ZNF836: variants seen among roughly 807,000 people sequenced by gnomAD.
ZNF836 encodes zinc finger protein 836.
Under a neutral mutation model 7.4 loss-of-function variants are expected in ZNF836, and 12 were observed. The observed-to-expected ratio is 1.61, with a 90% CI of 1.03 to 2.61. The LOEUF (loss-of-function observed/expected upper bound fraction) is 2.61, where lower values mean the gene tolerates loss of function less well. Among genes scored for constraint, ZNF836 ranks in the 30% most tolerant of loss-of-function variants. The probability of loss-of-function intolerance (pLI) is 0.00; values close to 1 mark genes in which losing one functional copy is unlikely to be tolerated. For synonymous variants in ZNF836, 365 were observed against 382.6 expected (o/e 0.95, Z 0.54); for missense variants, 998 against 1,126.2 (o/e 0.89, Z 1.63).
intron 3 of ZNF836, among the ~76,000 whole-genome samples, chr19:52,162,616 C>T (rs1016076776): frequency 3.3e-5 from 5 of 152,146 alleles, no homozygotes; most frequent in African/African-American, 1.2e-4. Context: ...TGGACAAGGG[C>T]CCTGAGCTTT....
chr19:52,157,573 G>C, intron 4 of ZNF836, 33 bp from the exon 5 acceptor site: 1 of 1,439,116 alleles, frequency 6.9e-7, no homozygotes, highest in Non-Finnish European at 9.1e-7. Context: ...GAGTTTTTTC[G>C]TTGGTTTTTT....
At chr19:52,160,770 T>C in intron 3 of ZNF836, 179 bp from the exon 4 acceptor site, 2 of 662,734 alleles carry the variant, frequency 3.0e-6, no homozygotes, top group Admixed American at 3.5e-5. Context: ...CAATAGAAGA[T>C]TATGATATCC....
chr19:52,165,551 T>G (rs564963576), intron 3 of ZNF836, among the ~76,000 whole-genome samples: 1 of 152,338 alleles, frequency 6.6e-6, no homozygotes, highest in South Asian at 2.1e-4. Flanking sequence ...TCTCACTGAC[T>G]CTTGCCACAG....
Position 52,157,394 on chromosome 19 carries a change from C to A in ZNF836, c.289G>T (p.Asp97Tyr). ...CCATCTTTCCATTGAAACTCAAGGT[C>A]CTGTAGATTTTTCTGGATTTCCCTT... ...YLREIQKNLQ[D>Y]LEFQWKDGEI... is the part of the protein sequence containing the mutation. Residue 97 changes from aspartate to tyrosine, a missense_variant, in exon 5 of 5, where the codon GAC becomes TAC. Asp to Tyr is a radical substitution (Grantham distance 160). Coordinates refer to ENST00000682614, the MANE Select transcript of ZNF836 (RefSeq NM_001102657.3). 6.2e-7 allele frequency: 1 copy of A among 1,609,636 alleles called. No homozygotes were observed.
intron 4 of ZNF836, among the ~76,000 whole-genome samples, 161 bp from the exon 5 acceptor site, chr19:52,157,701 G>A (rs1007438855): frequency 6.6e-6 from 1 of 151,804 alleles, no homozygotes; most frequent in Non-Finnish European, 1.5e-5. Context: ...CTCCTGAGTA[G>A]CTGGGACTAC....
rs759237438 is a variant in ZNF836 at position 52,155,736 on chromosome 19, G to A, written c.1947C>T (p.Tyr649=). The change falls in exon 5 of 5, where the codon TAC becomes TAT. Residue 649 remains tyrosine, a synonymous_variant. Coordinates refer to ENST00000682614, the MANE Select transcript of ZNF836 (RefSeq NM_001102657.3). ...TCCGATGACGTGCTAGGCATGAGTA[G>A]TAACTGAAAACCTTGCCGCATTCGT... ...QCNECGKVFS[Y]YSCLARHRKI... 6 of 1,614,006 alleles carry A rather than the reference G, an allele frequency of 3.7e-6. No homozygotes were observed. In the African/African-American group the frequency reaches 6.7e-5, roughly 18 times the overall value.
Position 52,168,155 on chromosome 19 carries a change from G to T in ZNF836, c.-80-3C>A. The stretch of plus-strand genomic sequence containing the variant: ...AATTAATTCTTTACAAGTCAAATCT[G>T]AAAGTGAAAAATCTGTTGTTTAATG... On this transcript the variant is annotated splice_polypyrimidine_tract_variant and splice_region_variant and intron_variant, in intron 2 of 4. Transcript: ENST00000682614. The T allele has an allele frequency of 1.3e-6, 2 of 1,552,866 alleles. No individual in the cohort carries two copies. The highest frequency in any genetic ancestry group is 1.7e-6 in the Non-Finnish European group (2 of 1,151,588).
chr19:52,167,201 G>A (rs117853834), intron 3 of ZNF836, among the ~76,000 whole-genome samples: 3,364 of 151,960 alleles, frequency 0.022, 62 homozygotes, highest in Non-Finnish European at 0.035. Context: ...GCCAGGCACG[G>A]TGGGTCACAC....
intron 4 of ZNF836, among the ~76,000 whole-genome samples, chr19:52,157,897 T>G (rs2089180868): frequency 6.6e-6 from 1 of 151,984 alleles, no homozygotes; most frequent in African/African-American, 2.4e-5. Flanking sequence ...TAACTAGTAT[T>G]ATTTGTTTTT....
In ZNF836 at chr19:52,171,521, G is replaced by C. The variant is rs971903939; in HGVS notation, c.-400C>G. The C allele has an allele frequency of 2.6e-5, 4 of 152,264 alleles. No homozygotes were observed. Among genetic ancestry groups the C allele is most frequent in the African/African-American group, 9.7e-5 (4 of 41,450 alleles). The allele number at this position is 152,264 out of a possible 1,614,324, so 9.4% of individuals were successfully genotyped here. A position where few individuals can be genotyped will look rare whatever the true frequency, so the allele number is the denominator to read the frequency against. ...TCTTTTCCCCGCGCGATCTGCTTCC[G>C]GGTGTGCAGGAAGCTACACGCCCTG... is the stretch of plus-strand genomic sequence containing the variant. On this transcript the variant is annotated 5_prime_UTR_variant, in exon 1 of 5. Coordinates refer to ENST00000682614, the MANE Select transcript of ZNF836 (RefSeq NM_001102657.3).
rs1323162820 is a variant in ZNF836, at chr19:52,155,102, G to T, written c.2581C>A (p.Pro861Thr). 9 of 1,614,060 alleles carry T rather than the reference G, an allele frequency of 5.6e-6. No homozygotes were observed. The highest frequency in any genetic ancestry group is 7.6e-6 in the Non-Finnish European group (9 of 1,180,020). ...TTGCCACATTCAATACATTTGTATG[G>T]CTTCTCTCCAGTGTGATTTCTTTGA... Reference protein sequence around the residue: ...YHQRNHTGEKPYKCIECGKAF... With the variant: ...YHQRNHTGEKTYKCIECGKAF... Residue 861 changes from proline to threonine, a missense_variant, in exon 5 of 5, where the codon CCA becomes ACA. Physicochemically the swap from Pro to Thr is conservative, Grantham distance 38 (BLOSUM62 -1). Coordinates refer to ENST00000682614, the MANE Select transcript of ZNF836 (RefSeq NM_001102657.3).
intron 3 of ZNF836, among the ~76,000 whole-genome samples, chr19:52,166,830 C>T (rs953854290): frequency 2.6e-5 from 4 of 151,732 alleles, no homozygotes; most frequent in African/African-American, 4.8e-5. Flanking sequence ...CCGCCCGCCT[C>T]GGCCTCCCAA....
rs1238437933 is a variant in ZNF836, at chr19:52,161,278, C to A, written c.16-687G>T. Among the ~76,000 whole-genome samples the A allele has an allele frequency of 6.6e-6, 1 of 152,176 alleles. No homozygotes were observed. Among genetic ancestry groups the A allele is most frequent in the Non-Finnish European group, 1.5e-5 (1 of 68,036 alleles). ...TACGGTATGTCTTAGTCTCTCTGTG[C>A]TGCTGTACCAAGTAAAACAGACTGG... On this transcript the variant is annotated intron_variant, in intron 3 of 4. Transcript: ENST00000682614. The surrounding 1 kb of genome is among the most constrained non-coding windows in gnomAD (Gnocchi z 4.1).
chr19:52,158,746 AAAAC>A (rs777470135), intron 4 of ZNF836, among the ~76,000 whole-genome samples: 3 of 152,242 alleles, frequency 2.0e-5, no homozygotes, highest in Non-Finnish European at 1.5e-5. Context: ...CTGTCTCGGA[AAAAC>A]AAACAAACAA....
Position 52,156,548 on chromosome 19 carries a change from T to C in ZNF836, c.1135A>G (p.Ile379Val), listed in dbSNP as rs775698197. ...TTGTATGGTTTCTCTCCAGTGTGGA[T>C]TCTCTGGTGATTTACAAGATTAGAA... ...QNSNLVNHQRIHTGEKPYKCN... is the reference protein window; with the variant it reads ...QNSNLVNHQRVHTGEKPYKCN... Residue 379 changes from isoleucine (I) to valine (V), a missense_variant, in exon 5 of 5, where the codon ATC (isoleucine) becomes GTC (valine). By Grantham distance (29) the Ile-to-Val change is conservative. Coordinates refer to ENST00000682614, the MANE Select transcript of ZNF836 (RefSeq NM_001102657.3). 10 of 1,614,168 alleles carry C rather than the reference T, an allele frequency of 6.2e-6. No homozygotes were observed. In the East Asian group the frequency reaches 8.9e-5, roughly 14 times the overall value.
chr19:52,160,308 A>G (rs2122215391), intron 4 of ZNF836, 157 bp downstream of exon 4: 1 of 824,592 alleles, frequency 1.2e-6, no homozygotes, highest in South Asian at 1.7e-5. Context: ...GATATGGGAA[A>G]TGAAAGGCCA....
Position 52,156,672 on chromosome 19 carries a change from T to C in ZNF836, c.1011A>G (p.Lys337=). The part of the protein sequence containing the change: ...EKPYKCNECG[K]TFKQGSCLTT... ...TGAGGCATGAGCCTTGTTTGAAGGT[T>C]TTCCCACACTCATTACATTTGTAAG... Residue 337 remains lysine (K), a synonymous_variant, in exon 5 of 5, where the codon AAA becomes AAG. Coordinates refer to ENST00000682614, the MANE Select transcript of ZNF836 (RefSeq NM_001102657.3). 2 of 1,613,942 alleles carry C rather than the reference T, an allele frequency of 1.2e-6. No homozygotes were observed. The highest frequency in any genetic ancestry group is 1.7e-6 in the Non-Finnish European group (2 of 1,179,944).
At chr19:52,167,253 C>T (rs1170916671) in intron 3 of ZNF836, among the ~76,000 whole-genome samples, 3 of 151,656 alleles carry the variant, frequency 2.0e-5, no homozygotes, top group Non-Finnish European at 4.4e-5. Flanking sequence ...GGGAGGATCA[C>T]CTGAGGTTGG....
intron 3 of ZNF836, among the ~76,000 whole-genome samples, chr19:52,163,468 T>C (rs2122221338): frequency 6.6e-6 from 1 of 152,308 alleles, no homozygotes; most frequent in Admixed American, 6.5e-5. Context: ...TCTTAGTTCA[T>C]CACTCTTAAA....
Sources: gnomAD v4.1 joint callset for allele counts (sites outside exome capture counted in the v4.1 genomes callset) on GRCh38, gnomAD v4.1.1 for gene constraint, Gnocchi (gnomAD v3.1) non-coding constraint, MANE v1.5 for transcripts, NCBI Gene and HGNC (gene_info 2026-07-23, HGNC 2026-07-21) for gene names.